Variants in EMILIN2 observed in about 807,000 individuals in gnomAD.
EMILIN2 encodes the protein EMILIN-2.
In EMILIN2, 71 loss-of-function variants were observed where a neutral mutation model predicts 87.1. The ratio of observed to expected loss-of-function variants is 0.82; its 90% confidence interval spans 0.67 to 0.99. EMILIN2 has a LOEUF of 0.99. EMILIN2 is among the 50% of genes least tolerant of loss of function. EMILIN2 has a pLI of 0.00. For missense variants in EMILIN2, 1,407 were observed against 1,371.8 expected (o/e 1.03, Z -0.40); for synonymous variants, 581 against 563.4 (o/e 1.03, Z -0.44).
At chr18:2,859,243 T>G (rs1301588181) in intron 2 of EMILIN2, among the ~76,000 whole-genome samples, 18 of 152,190 alleles carry the variant, frequency 1.2e-4, no homozygotes, top group African/African-American at 3.9e-4. Context: ...TTTTTAAATT[T>G]TTTTGATTAT....
chr18:2,909,277 C>A (rs1056387155), intron 6 of EMILIN2, among the ~76,000 whole-genome samples: 1 of 152,198 alleles, frequency 6.6e-6, no homozygotes, highest in African/African-American at 2.4e-5. Flanking sequence ...CTTGTGTGGT[C>A]CTGATGAGCT....
intron 2 of EMILIN2, among the ~76,000 whole-genome samples, chr18:2,879,281 C>T (rs1203158208): frequency 6.6e-6 from 1 of 152,178 alleles, no homozygotes; most frequent in African/African-American, 2.4e-5. Context: ...ACTGCAAGTG[C>T]GGCCACTGGC....
rs1180735843 is a variant in EMILIN2, at chr18:2,858,583, G to GTGTGTGTGTA, written c.257+10653_257+10654insGTGTGTGTAT. On this transcript the variant is annotated intron_variant, in intron 2 of 7. Coordinates refer to ENST00000254528, the MANE Select transcript of EMILIN2 (RefSeq NM_032048.3). ...TATATATATATATGTGTGTGTGTGT[G>GTGTGTGTGTA]TATATATATATATATATATGTGTAT... 2.9e-4 allele frequency among the ~76,000 whole-genome samples: 18 copies of GTGTGTGTGTA among 63,034 alleles called. 1 individual carries two copies. The highest frequency in any genetic ancestry group is 1.3e-3 in the African/African-American group (14 of 10,692). 41.4% of individuals were successfully genotyped at this position (63,034 alleles called of 152,430 possible).
At chr18:2,863,971 G>A (rs1302192077) in intron 2 of EMILIN2, among the ~76,000 whole-genome samples, 1 of 152,174 alleles carries the variant, frequency 6.6e-6, no homozygotes, top group African/African-American at 2.4e-5. Context: ...TTACCATTAT[G>A]TAATGGCCTT....
intron 5 of EMILIN2, among the ~76,000 whole-genome samples, chr18:2,908,169 T>C (rs2076923669): frequency 6.6e-6 from 1 of 152,246 alleles, no homozygotes; most frequent in Non-Finnish European, 1.5e-5. Context: ...GTTAGTTCCA[T>C]GTATCATGGA....
At chr18:2,852,545 G>T (rs182522296) in intron 2 of EMILIN2, among the ~76,000 whole-genome samples, 339 of 152,270 alleles carry the variant, frequency 2.2e-3, no homozygotes, top group Middle Eastern at 6.8e-3. Flanking sequence ...TTGAGACAGG[G>T]TCTCGCTCTA....
At chr18:2,885,214 G>A in intron 3 of EMILIN2, 75 bp downstream of exon 3, 2 of 1,461,834 alleles carry the variant, frequency 1.4e-6, no homozygotes, top group South Asian at 2.9e-5. Flanking sequence ...CAGGATTTGT[G>A]CTTTACAATG....
rs757444140 is a variant in EMILIN2 at position 2,913,442 on chromosome 18, G to A, written c.*38G>A. 16 of 1,475,040 alleles carry A rather than the reference G, an allele frequency of 1.1e-5. No homozygotes were observed. The highest frequency in any genetic ancestry group is 1.5e-5 in the Non-Finnish European group (16 of 1,090,250). The allele number at this position is 1,475,040 out of a possible 1,614,324, so 91.4% of individuals were successfully genotyped here. On this transcript the variant is annotated 3_prime_UTR_variant, in exon 8 of 8. Coordinates refer to ENST00000254528, the MANE Select transcript of EMILIN2 (RefSeq NM_032048.3). ...GATGTCAGGGGAAAGATAGATAGTTGTAAAAACTCTAAAGCTTTAATATAT... is the reference window on the plus strand; with the variant it reads ...GATGTCAGGGGAAAGATAGATAGTTATAAAAACTCTAAAGCTTTAATATAT...
chr18:2,888,719 A>G (rs2076815806), intron 3 of EMILIN2, among the ~76,000 whole-genome samples: 1 of 151,384 alleles, frequency 6.6e-6, no homozygotes, highest in Non-Finnish European at 1.5e-5. Context: ...TGTCTCAAAA[A>G]AAAAAAAAAA....
chr18:2,884,552 A>G (rs1290735461), intron 2 of EMILIN2, among the ~76,000 whole-genome samples: 1 of 152,220 alleles, frequency 6.6e-6, no homozygotes, highest in Non-Finnish European at 1.5e-5. Context: ...GGCCAGGAAT[A>G]TTTCTTTAAA....
In EMILIN2 at chr18:2,907,024, C is replaced by A; in HGVS notation, c.2601C>A (p.Gly867=). 1 of 1,309,262 alleles carries A rather than the reference C, an allele frequency of 7.6e-7. No homozygotes were observed. The highest frequency in any genetic ancestry group is 9.7e-7 in the Non-Finnish European group (1 of 1,033,678). 81.1% of individuals were successfully genotyped at this position (1,309,262 alleles called of 1,614,324 possible). A position where few individuals can be genotyped will look rare whatever the true frequency, so the allele number is the denominator to read the frequency against. ...TGTCTGGGCGGGGTCTGCCGCGGGGCGTGGACGGCCAGACCGGGAGCGGCA... is the reference window on the plus strand; with the variant it reads ...TGTCTGGGCGGGGTCTGCCGCGGGGAGTGGACGGCCAGACCGGGAGCGGCA... ...AGVSGRGLPR[G]VDGQTGSGTV... Residue 867 remains glycine, a synonymous_variant, in exon 5 of 8, where the codon GGC becomes GGA. Transcript: ENST00000254528.
intron 2 of EMILIN2, among the ~76,000 whole-genome samples, chr18:2,862,261 C>G (rs1568456496): frequency 6.6e-6 from 1 of 152,216 alleles, no homozygotes; most frequent in Admixed American, 6.5e-5. Flanking sequence ...CCAGAACTTC[C>G]AACAGTATGT....
At chr18:2,857,425 C>T (rs1274422208) in intron 2 of EMILIN2, among the ~76,000 whole-genome samples, 1 of 152,146 alleles carries the variant, frequency 6.6e-6, no homozygotes, top group Non-Finnish European at 1.5e-5. Flanking sequence ...AAGTGGTTTC[C>T]CTACATCTGC....
At chr18:2,881,567 G>A (rs946109005) in intron 2 of EMILIN2, among the ~76,000 whole-genome samples, 9 of 152,232 alleles carry the variant, frequency 5.9e-5, no homozygotes, top group Non-Finnish European at 1.2e-4. Flanking sequence ...GTCACAGCCC[G>A]CTGCTGGGCT....
intron 2 of EMILIN2, among the ~76,000 whole-genome samples, chr18:2,884,747 G>C (rs903564435): frequency 6.6e-6 from 1 of 152,190 alleles, no homozygotes; most frequent in Non-Finnish European, 1.5e-5. Context: ...GCTCAGGGCA[G>C]GTGGAGGATT....
rs959707252 is a variant in EMILIN2, at chr18:2,894,716, A to G, written c.2359+2230A>G. Among the ~76,000 whole-genome samples, 1 of 151,988 alleles carries G rather than the reference A, an allele frequency of 6.6e-6. No individual in the cohort carries two copies. The highest frequency in any genetic ancestry group is 2.4e-5 in the African/African-American group (1 of 41,352). On this transcript the variant is annotated intron_variant, in intron 4 of 7. Coordinates refer to ENST00000254528, the MANE Select transcript of EMILIN2 (RefSeq NM_032048.3). This position sits in a 1 kb window ranked among gnomAD's most constrained non-coding sequence, Gnocchi z 5.0. ...ATTGTGGTGAGTGTAGACTGCATGG[A>G]GTTTTGAGAATTTCATTGATTGGAA...
At chr18:2,898,431 C>T (rs908225442) in intron 4 of EMILIN2, among the ~76,000 whole-genome samples, 5 of 152,216 alleles carry the variant, frequency 3.3e-5, no homozygotes, top group East Asian at 3.9e-4. Flanking sequence ...TCCCACTGTT[C>T]CTCTCCCGGT....
intron 2 of EMILIN2, among the ~76,000 whole-genome samples, chr18:2,868,180 A>G (rs1336229597): frequency 1.3e-5 from 2 of 150,310 alleles, no homozygotes; most frequent in East Asian, 2.0e-4. Flanking sequence ...CTGGGCAGAG[A>G]CGCTCCTCAC....
In EMILIN2 at chr18:2,885,072, C is replaced by T. The variant is rs776225162; in HGVS notation, c.366C>T (p.Pro122=). Residue 122 remains proline (P), a synonymous_variant, in exon 3 of 8, where the codon CCC becomes CCT. Transcript: ENST00000254528. ...GAGGGGGAGATTGCCAAGAAGGTCCCAAAGACCCCGTGAAGACCCTCCGCC... is the reference window on the plus strand; with the variant it reads ...GAGGGGGAGATTGCCAAGAAGGTCCTAAAGACCCCGTGAAGACCCTCCGCC... ...GFRGGDCQEG[P]KDPVKTLRPT... 5 of 1,613,778 alleles carry T rather than the reference C, an allele frequency of 3.1e-6. No homozygotes were observed. The highest frequency in any genetic ancestry group is 4.2e-6 in the Non-Finnish European group (5 of 1,179,882).
Sources: allele counts gnomAD v4.1 joint callset (sites outside exome capture counted in the v4.1 genomes callset), GRCh38; gene constraint gnomAD v4.1.1; non-coding constraint Gnocchi (gnomAD v3.1); transcripts MANE v1.5; gene names NCBI Gene and HGNC (gene_info 2026-07-23, HGNC 2026-07-21).